STIM2: variants seen among roughly 807,000 people sequenced by gnomAD.
STIM2 encodes stromal interaction molecule 2.
In STIM2, 31 loss-of-function variants were observed where a neutral mutation model predicts 85.8. The observed-to-expected ratio is 0.36, with a 90% CI of 0.27 to 0.49. The LOEUF is 0.49. Among genes scored for constraint, STIM2 ranks in the 20% least tolerant of loss-of-function variants. The pLI, the probability that STIM2 is intolerant of heterozygous loss-of-function variation, is 0.98. For synonymous variants in STIM2, 356 were observed against 331.1 expected (o/e 1.08, Z -0.82); for missense variants, 841 against 927.6 (o/e 0.91, Z 1.21).
At chr4:26,991,746 A>G (rs555495764) in intron 3 of STIM2, among the ~76,000 whole-genome samples, 1 of 152,196 alleles carries the variant, frequency 6.6e-6, no homozygotes, top group African/African-American at 2.4e-5. Context: ...TAATGTGGCT[A>G]TGATATTATC....
intron 2 of STIM2, among the ~76,000 whole-genome samples, chr4:26,928,422 C>T (rs761560324): frequency 7.9e-5 from 12 of 152,140 alleles, no homozygotes; most frequent in Non-Finnish European, 1.8e-4. Flanking sequence ...GAGAAAGTAT[C>T]AAGGAAGCTT....
intron 1 of STIM2, among the ~76,000 whole-genome samples, chr4:26,904,227 G>A (rs1048728566): frequency 5.9e-5 from 9 of 151,278 alleles, no homozygotes; most frequent in Non-Finnish European, 1.0e-4. Context: ...AGGCTGGCAG[G>A]TTTTTTGTTT....
chr4:26,903,216 G>C (rs546076567), intron 1 of STIM2, among the ~76,000 whole-genome samples: 1 of 152,138 alleles, frequency 6.6e-6, no homozygotes, highest in East Asian at 1.9e-4. Flanking sequence ...CCTACCTCTA[G>C]TCTGTTGCCC....
At chr4:27,016,040 A>G (rs1728721608) in intron 10 of STIM2, among the ~76,000 whole-genome samples, 1 of 152,028 alleles carries the variant, frequency 6.6e-6, no homozygotes, top group Non-Finnish European at 1.5e-5. Flanking sequence ...GCATTTAGAG[A>G]CATTTCCTCA....
intron 2 of STIM2, among the ~76,000 whole-genome samples, chr4:26,943,178 C>T (rs1049068827): frequency 4.1e-5 from 6 of 145,914 alleles, no homozygotes; most frequent in Admixed American, 2.1e-4. Flanking sequence ...TATTTTAATT[C>T]TATCCTTTTT....
Position 26,994,286 on chromosome 4 carries a change from C to T in STIM2, c.398-1093C>T, listed in dbSNP as rs188675155. On this transcript the variant is annotated intron_variant, in intron 3 of 11. Coordinates refer to ENST00000467087, the MANE Select transcript of STIM2 (RefSeq NM_020860.4). The stretch of plus-strand genomic sequence containing the variant: ...TGTCACCGGCCCCTGCTCGTTTCCC[C>T]AATCTTTTCCTCCCCATTCTTTTCT... Among the ~76,000 whole-genome samples the T allele has an allele frequency of 2.7e-3, 404 of 152,186 alleles. 6 individuals carry two copies. Among genetic ancestry groups the T allele is most frequent in the Non-Finnish European group, 1.4e-3 (94 of 67,970 alleles).
intron 3 of STIM2, among the ~76,000 whole-genome samples, chr4:26,970,083 T>C (rs1012209949): frequency 1.3e-5 from 2 of 150,986 alleles, no homozygotes; most frequent in African/African-American, 4.9e-5. Flanking sequence ...AGGCTAACAT[T>C]GTCTTGCATT....
chr4:27,002,728 A>C (rs1728200702), intron 6 of STIM2, among the ~76,000 whole-genome samples, 199 bp from the exon 7 acceptor site: 1 of 152,154 alleles, frequency 6.6e-6, no homozygotes. Context: ...TTTCCCTGTC[A>C]TTTGAACCCA....
At chr4:26,873,743 G>T (rs537779416) in intron 1 of STIM2, 3 of 882,772 alleles carry the variant, frequency 3.4e-6, no homozygotes, top group African/African-American at 3.3e-5. Context: ...GCCTCCACAG[G>T]CTCTAGGTCA....
At chr4:26,959,236 T>A (rs942101497) in intron 3 of STIM2, among the ~76,000 whole-genome samples, 3 of 152,200 alleles carry the variant, frequency 2.0e-5, no homozygotes, top group Non-Finnish European at 4.4e-5. Context: ...ACCTCTTCTA[T>A]TCCATGCATC....
intron 10 of STIM2, among the ~76,000 whole-genome samples, chr4:27,012,128 A>C (rs546666791): frequency 1.7e-4 from 26 of 152,178 alleles, no homozygotes; most frequent in Non-Finnish European, 3.4e-4. Flanking sequence ...TAGATACATA[A>C]GTGCTCCCAG....
chr4:26,934,795 C>A (rs1463115503), intron 2 of STIM2, among the ~76,000 whole-genome samples: 1 of 151,782 alleles, frequency 6.6e-6, no homozygotes, highest in Non-Finnish European at 1.5e-5. Context: ...TGCCTGCAAT[C>A]CCAGCTACTC....
chr4:26,884,422 C>G (rs1276654814), intron 1 of STIM2, among the ~76,000 whole-genome samples: 1 of 152,166 alleles, frequency 6.6e-6, no homozygotes, highest in African/African-American at 2.4e-5. Flanking sequence ...CTACAGTTTC[C>G]TTCTATGATG....
At chr4:26,890,905 C>T (rs764873336) in intron 1 of STIM2, among the ~76,000 whole-genome samples, 1 of 151,910 alleles carries the variant, frequency 6.6e-6, no homozygotes, top group Non-Finnish European at 1.5e-5. Flanking sequence ...GGTCTTCACT[C>T]TGATTAACCT....
At chr4:26,884,517 ACT>A (rs1423411574) in intron 1 of STIM2, among the ~76,000 whole-genome samples, 2 of 152,226 alleles carry the variant, frequency 1.3e-5, no homozygotes, top group African/African-American at 2.4e-5. Flanking sequence ...CTGGAGTGTG[ACT>A]TACTGCTTCT....
intron 2 of STIM2, among the ~76,000 whole-genome samples, chr4:26,944,622 G>A (rs1725743932): frequency 6.6e-6 from 1 of 152,158 alleles, no homozygotes; most frequent in African/African-American, 2.4e-5. Flanking sequence ...AGATACCAAG[G>A]AGCTCACACT....
intron 1 of STIM2, among the ~76,000 whole-genome samples, chr4:26,875,241 T>C (rs1722775246): frequency 6.6e-6 from 1 of 152,196 alleles, no homozygotes; most frequent in Non-Finnish European, 1.5e-5. Flanking sequence ...TGCCATATGC[T>C]ATATAGTATT....
At chr4:26,913,352 CTT>C (rs1297273148) in intron 1 of STIM2, among the ~76,000 whole-genome samples, 1 of 151,874 alleles carries the variant, frequency 6.6e-6, no homozygotes, top group Non-Finnish European at 1.5e-5. Context: ...ATAAAACAGA[CTT>C]TATTTTCGAC....
chr4:26,944,271 G>A (rs1725730025), intron 2 of STIM2, among the ~76,000 whole-genome samples: 1 of 151,830 alleles, frequency 6.6e-6, no homozygotes, highest in African/African-American at 2.4e-5. Flanking sequence ...CTTATTTTAT[G>A]GTTTACTTGT....
Sources: gnomAD v4.1 joint callset for allele counts (sites outside exome capture counted in the v4.1 genomes callset) on GRCh38, gnomAD v4.1.1 for gene constraint, MANE v1.5 for transcripts, NCBI Gene and HGNC (gene_info 2026-07-23, HGNC 2026-07-21) for gene names.